Variants in ADCY10 observed in about 807,000 individuals in gnomAD.
ADCY10 encodes adenylate cyclase type 10.
Under a neutral mutation model 183.3 loss-of-function variants are expected in ADCY10, and 156 were observed. The ratio of observed to expected loss-of-function variants is 0.85; its 90% CI spans 0.75 to 0.97. The LOEUF (loss-of-function observed/expected upper bound fraction) is 0.97. Ranked by LOEUF, ADCY10 falls within the 50% of genes least tolerant of loss-of-function variation. The pLI, the probability that ADCY10 is intolerant of heterozygous loss-of-function variation, is 0.00. For synonymous variants in ADCY10, 645 were observed against 670.0 expected (o/e 0.96, Z 0.58); for missense variants, 1,745 against 1,934.3 (o/e 0.90, Z 1.84).
intron 1 of ADCY10, among the ~76,000 whole-genome samples, chr1:167,906,636 A>C (rs1302818103): frequency 6.6e-6 from 1 of 151,746 alleles, no homozygotes; most frequent in Non-Finnish European, 1.5e-5. Flanking sequence ...AAAAAAAAAA[A>C]AAAATTGCTG....
Position 167,829,280 on chromosome 1 carries a change from T to TAA in ADCY10, c.3736_3737insTT (p.Gln1246LeufsTer12), listed in dbSNP as rs1663537198. 6.2e-7 allele frequency: 1 copy of TAA among 1,613,920 alleles called. No individual in the cohort carries two copies. The highest frequency in any genetic ancestry group is 1.3e-5 in the African/African-American group (1 of 74,926). ...AAAATCCCCTACCTGGAAACAATTT[T>TAA]GAGTTTCCAGTGCAGTATTCATTTG... is the stretch of plus-strand genomic sequence containing the variant. On this transcript the variant is annotated frameshift_variant, in exon 26 of 33. Coordinates refer to ENST00000367851, the MANE Select transcript of ADCY10 (RefSeq NM_018417.6). LOFTEE classifies it high-confidence loss of function.
rs1038246204 is a variant in ADCY10, at chr1:167,845,744, G to A, written c.2826C>T (p.Leu942=). The A allele has an allele frequency of 6.8e-6, 11 of 1,614,230 alleles. No individual in the cohort carries two copies. Among genetic ancestry groups the A allele is most frequent in the Non-Finnish European group, 8.5e-6 (10 of 1,180,050 alleles). Residue 942 remains leucine, a synonymous_variant, in exon 21 of 33, where the codon CTC becomes CTT. Transcript: ENST00000367851. ...MMQKTAYELW[L]KDQRKAMHLK... is the part of the protein sequence containing the mutation. Reference sequence around the variant, plus strand: ...AGTGCATGGCTTTTCTCTGGTCCTTGAGCCACAGCTCGTAGGCTGTTTTCT... The same window carrying A: ...AGTGCATGGCTTTTCTCTGGTCCTTAAGCCACAGCTCGTAGGCTGTTTTCT...
At chr1:167,841,798 T>G (rs753760843) in intron 21 of ADCY10, among the ~76,000 whole-genome samples, 6 of 152,194 alleles carry the variant, frequency 3.9e-5, no homozygotes, top group Non-Finnish European at 7.3e-5. Context: ...ATGTTTTTGT[T>G]CTCCACTGTC....
intron 8 of ADCY10, among the ~76,000 whole-genome samples, chr1:167,884,854 T>C (rs1375475936): frequency 1.3e-5 from 2 of 152,152 alleles, no homozygotes; most frequent in Admixed American, 6.5e-5. Flanking sequence ...TGCACCACCA[T>C]GCCTGGCTAA....
chr1:167,821,822 A>C lies in ADCY10; in HGVS notation c.4286+202T>G, dbSNP rs143499431. On this transcript the variant is annotated intron_variant, in intron 30 of 32. Coordinates refer to ENST00000367851, the MANE Select transcript of ADCY10 (RefSeq NM_018417.6). ...AATGTTTATTGCATGGATGTAATTGAGATAAATTTACTTTTCTGTCCTTGG... is the reference window on the plus strand; with the variant it reads ...AATGTTTATTGCATGGATGTAATTGCGATAAATTTACTTTTCTGTCCTTGG... Among the ~76,000 whole-genome samples, 161 of 152,326 alleles carry C rather than the reference A, an allele frequency of 1.1e-3. 1 individual carries two copies. The highest frequency in any genetic ancestry group is 3.7e-3 in the African/African-American group (155 of 41,576).
chr1:167,905,002 C>T lies in ADCY10; in HGVS notation c.139G>A (p.Asp47Asn), dbSNP rs140388125. 2.6e-5 allele frequency: 42 copies of T among 1,614,050 alleles called. No homozygotes were observed. The African/African-American group carries it at 5.5e-4, about 21-fold the overall frequency. Reference sequence around the variant, plus strand: ...TCCCTTTTGCACTTGCCTGAAATATCAACAAACATCAGGACTCCGTCAAAA... The same window carrying T: ...TCCCTTTTGCACTTGCCTGAAATATTAACAAACATCAGGACTCCGTCAAAA... The part of the protein sequence containing the change: ...DYFDGVLMFV[D>N]ISGFTAMTEK... Residue 47 changes from aspartate (D) to asparagine (N), a missense_variant, in exon 2 of 33, where the codon GAT (aspartate) becomes AAT (asparagine). Coordinates refer to ENST00000367851, the MANE Select transcript of ADCY10 (RefSeq NM_018417.6).
intron 26 of ADCY10, among the ~76,000 whole-genome samples, chr1:167,825,434 T>A (rs1424912929): frequency 1.3e-5 from 2 of 152,052 alleles, no homozygotes; most frequent in East Asian, 3.8e-4. Context: ...GAGGATTGCT[T>A]GAGCTCAGGA....
intron 13 of ADCY10, among the ~76,000 whole-genome samples, chr1:167,874,216 A>G (rs1667293711): frequency 1.3e-5 from 2 of 152,168 alleles, no homozygotes; most frequent in Admixed American, 1.3e-4. Context: ...CTGTAATCCC[A>G]GCTACTCAGG....
chr1:167,913,624 T>G (rs1428988830), intron 1 of ADCY10, among the ~76,000 whole-genome samples: 1 of 152,240 alleles, frequency 6.6e-6, no homozygotes, highest in Non-Finnish European at 1.5e-5. Context: ...ATCTTCTACA[T>G]ATCTTTGTTT....
chr1:167,844,044 T>C (rs190724367), intron 21 of ADCY10, among the ~76,000 whole-genome samples: 17 of 152,388 alleles, frequency 1.1e-4, no homozygotes, highest in African/African-American at 3.6e-4. Flanking sequence ...ATTAGTTGTA[T>C]CTTGGTGCTC....
rs1669714267 is a variant in ADCY10, at chr1:167,904,973, A to G, written c.148+20T>C. 1.2e-6 allele frequency: 2 copies of G among 1,614,240 alleles called. No homozygotes were observed. Among genetic ancestry groups the G allele is most frequent in the Non-Finnish European group, 1.7e-6 (2 of 1,180,028 alleles). On this transcript the variant is annotated intron_variant, in intron 2 of 32. Coordinates refer to ENST00000367851, the MANE Select transcript of ADCY10 (RefSeq NM_018417.6). ...GCCTGTTGCTCATCCACATTAAACA[A>G]ACATCCCTTTTGCACTTGCCTGAAA...
chr1:167,883,953 T>A (rs986805102), intron 8 of ADCY10, among the ~76,000 whole-genome samples: 1 of 152,216 alleles, frequency 6.6e-6, no homozygotes, highest in Non-Finnish European at 1.5e-5. Context: ...TTTAAAAAAA[T>A]TTAAAATTTT....
rs775395210 is a variant in ADCY10 at position 167,893,897 on chromosome 1, C to G, written c.784G>C (p.Glu262Gln). The part of the protein sequence containing the change: ...ACTLKPDPEL[E>Q]MSLQKYVMES... ...ATCACATACTTTTGTAGGGACATCT[C>G]CAGTTCAGGATCAGGCTTCAGCGTG... is the stretch of plus-strand genomic sequence containing the variant. Residue 262 changes from glutamate to glutamine, a missense_variant, in exon 8 of 33, where the codon GAG becomes CAG. By Grantham distance (29) the Glu-to-Gln change is conservative (BLOSUM62 2). Transcript: ENST00000367851. 7 of 1,613,574 alleles carry G rather than the reference C, an allele frequency of 4.3e-6. No homozygotes were observed. The highest frequency in any genetic ancestry group is 5.9e-6 in the Non-Finnish European group (7 of 1,179,744).
intron 14 of ADCY10, among the ~76,000 whole-genome samples, chr1:167,865,590 T>C (rs1666619775): frequency 6.6e-6 from 1 of 152,192 alleles, no homozygotes; most frequent in South Asian, 2.1e-4. Context: ...GAAGTATTAT[T>C]AAATATAAAA....
At chr1:167,891,980 T>C (rs937721766) in intron 8 of ADCY10, among the ~76,000 whole-genome samples, 1 of 151,446 alleles carries the variant, frequency 6.6e-6, no homozygotes, top group Non-Finnish European at 1.5e-5. Flanking sequence ...TCTTTTCTTT[T>C]TTTTTTTTTT....
chr1:167,871,458 C>T (rs1456734990), intron 13 of ADCY10, among the ~76,000 whole-genome samples: 1 of 152,100 alleles, frequency 6.6e-6, no homozygotes, highest in Non-Finnish European at 1.5e-5. Context: ...GGGTTACAAC[C>T]CTTATTTTTC....
intron 8 of ADCY10, among the ~76,000 whole-genome samples, chr1:167,889,888 T>C (rs976272120): frequency 4.6e-5 from 7 of 152,224 alleles, no homozygotes; most frequent in African/African-American, 1.4e-4. Flanking sequence ...ATGTCTCCTC[T>C]TTCATTTCTG....
chr1:167,811,022 A>C, intron 31 of ADCY10, 109 bp from the exon 32 acceptor site: 1 of 1,046,900 alleles, frequency 9.6e-7, no homozygotes, highest in Admixed American at 2.1e-5. Flanking sequence ...TTAAGCAATC[A>C]AGTGAGAAAA....
At chr1:167,857,691 T>C (rs1239802966) in intron 16 of ADCY10, among the ~76,000 whole-genome samples, 1 of 152,236 alleles carries the variant, frequency 6.6e-6, no homozygotes, top group African/African-American at 2.4e-5. Flanking sequence ...CATAATTAAC[T>C]CACTTAATCC....
Sources: allele counts gnomAD v4.1 joint callset (sites outside exome capture counted in the v4.1 genomes callset), GRCh38; gene constraint gnomAD v4.1.1; transcripts MANE v1.5; gene names NCBI Gene and HGNC (gene_info 2026-07-23, HGNC 2026-07-21).